BRD1: variants seen among roughly 807,000 people sequenced by gnomAD.
BRD1 encodes bromodomain containing 1, also known as bromodomain-containing protein 1.
A neutral mutation model predicts 107.7 loss-of-function variants in BRD1; 24 were observed. That is an observed-to-expected ratio of 0.22 (90% CI 0.16 to 0.31). BRD1 has a LOEUF of 0.31. BRD1 is among the 10% of genes least tolerant of loss of function. BRD1 has a pLI of 1.00. For synonymous variants in BRD1, 744 were observed against 686.1 expected (o/e 1.08, Z -1.32); for missense variants, 1,279 against 1,638.6 (o/e 0.78, Z 3.79).
At chr22:49,787,275 A>G in intron 8 of BRD1, 115 bp downstream of exon 8, 1 of 1,258,754 alleles carries the variant, frequency 7.9e-7, no homozygotes. Context: ...AATTAAGAGA[A>G]TGCTGCAAAA....
chr22:49,776,944 C>T, intron 10 of BRD1, 90 bp downstream of exon 10: 2 of 1,562,874 alleles, frequency 1.3e-6, no homozygotes, highest in Non-Finnish European at 1.7e-6. Context: ...CACCATGCTC[C>T]CTGAGCCGGA....
intron 6 of BRD1, among the ~76,000 whole-genome samples, chr22:49,796,984 T>C (rs553895205): frequency 6.6e-6 from 1 of 152,270 alleles, no homozygotes; most frequent in South Asian, 2.1e-4. Flanking sequence ...TTTAGACAAA[T>C]AAGCCAAACA....
intron 2 of BRD1, among the ~76,000 whole-genome samples, chr22:49,811,068 A>G (rs1293835167): frequency 2.0e-5 from 3 of 152,208 alleles, no homozygotes; most frequent in Non-Finnish European, 1.5e-5. Context: ...GCAGCCGTGA[A>G]AAGGAATGGC....
chr22:49,823,670 C>A lies in BRD1; in HGVS notation c.648G>T (p.Val216=), dbSNP rs1342817841. The A allele has an allele frequency of 6.2e-7, 1 of 1,613,254 alleles. No individual in the cohort carries two copies. The highest frequency in any genetic ancestry group is 1.7e-5 in the Admixed American group (1 of 59,982). The change falls in exon 2 of 13, where the codon GTG becomes GTT. Residue 216 remains valine (V), a synonymous_variant. Transcript: ENST00000404760. ...EQQSLIDEDA[V]CCICMDGECQ... ...ACTCCCCGTCCATGCAGATGCAGCA[C>A]ACGGCGTCCTCGTCGATCAGAGACT...
chr22:49,775,836 C>CCG (rs1555900557), intron 11 of BRD1, 91 bp from the exon 12 acceptor site: 12 of 1,270,248 alleles, frequency 9.4e-6, no homozygotes, highest in Middle Eastern at 3.1e-4. Flanking sequence ...CCTCCCCACC[C>CCG]CAGCTGTGTG....
chr22:49,820,829 A>G lies in BRD1; in HGVS notation c.1367+2122T>C, dbSNP rs1454011660. The stretch of plus-strand genomic sequence containing the variant: ...TCACAACCACCCCAGAGGTGGGTCC[A>G]GCACCATGGTGCCAACAGGCCAGGC... On this transcript the variant is annotated intron_variant, in intron 2 of 12. Transcript: ENST00000404760. 2.0e-5 allele frequency: 3 copies of G among 152,430 alleles called. No homozygotes were observed. The East Asian group carries it at 5.8e-4, about 29-fold the overall frequency. The allele number at this position is 152,430 out of a possible 1,614,324, so 9.4% of individuals were successfully genotyped here.
rs2059487071 is a variant in BRD1, at chr22:49,794,108, G to A, written c.2285C>T (p.Pro762Leu). 1 of 1,614,122 alleles carries A rather than the reference G, an allele frequency of 6.2e-7. No homozygotes were observed. Among genetic ancestry groups the A allele is most frequent in the Non-Finnish European group, 8.5e-7 (1 of 1,180,054 alleles). ...TTCCAAGCCTGGCCCCGTGGGCAGG[G>A]GCTGGCTGTGCTGCTGGCTCAGCTT... ...RNKLSQQHSQ[P>L]LPTGPGLEGF... The change falls in exon 7 of 13, where the codon CCC (proline) becomes CTC (leucine). Residue 762 changes from proline to leucine, a missense_variant. By Grantham distance (98) the Pro-to-Leu change is moderately conservative. This residue lies in a region of BRD1 where 406 missense variants were observed against 519.4 expected (regional missense o/e 0.78). Coordinates refer to ENST00000404760, the MANE Select transcript of BRD1 (RefSeq NM_001304808.3).
chr22:49,825,941 G>C (rs2060142935), intron 1 of BRD1: 1 of 152,590 alleles, frequency 6.6e-6, no homozygotes, highest in Admixed American at 6.5e-5. Flanking sequence ...AATGTGGTCG[G>C]CCAAACCTCA....
rs1389990499 is a variant in BRD1, at chr22:49,787,666, C to T, written c.2581G>A (p.Asp861Asn). Residue 861 changes from aspartate (D) to asparagine (N), a missense_variant, in exon 8 of 13, where the codon GAT becomes AAT. Asp to Asn is a conservative substitution (Grantham distance 23). Around this residue, in one of 7 missense-constraint regions of BRD1, gnomAD observed 406 missense variants for 519.4 expected, o/e 0.78. Transcript: ENST00000404760. Reference sequence around the variant, plus strand: ...GCGGAGGCCGCCGCCGCCGGCACATCGCCACTACTGGCGCGGGTGGGCTCT... The same window carrying T: ...GCGGAGGCCGCCGCCGCCGGCACATTGCCACTACTGGCGCGGGTGGGCTCT... ...PPEPTRASSGDVPAAAASAVA... is the reference protein window; with the variant it reads ...PPEPTRASSGNVPAAAASAVA... 1.3e-6 allele frequency: 2 copies of T among 1,550,656 alleles called. No homozygotes were observed. The highest frequency in any genetic ancestry group is 2.0e-5 in the Admixed American group (1 of 51,018).
chr22:49,823,940 C>A lies in BRD1; in HGVS notation c.378G>T (p.Glu126Asp). Residue 126 changes from glutamate (E) to aspartate (D), a missense_variant, in exon 2 of 13, where the codon GAG (glutamate) becomes GAT (aspartate). By Grantham distance (45) the Glu-to-Asp change is conservative (BLOSUM62 2). Coordinates refer to ENST00000404760, the MANE Select transcript of BRD1 (RefSeq NM_001304808.3). ...TCCTGGGGGCGGACGGAGGGCTGTA[C>A]TCCACGATGCGCACCTTGGGCTCCG... ...ALPEPKVRIV[E>D]YSPPSAPRRP... The A allele has an allele frequency of 6.2e-7, 1 of 1,614,196 alleles. No homozygotes were observed. Among genetic ancestry groups the A allele is most frequent in the Non-Finnish European group, 8.5e-7 (1 of 1,180,028 alleles).
intron 7 of BRD1, among the ~76,000 whole-genome samples, chr22:49,790,781 C>T (rs1431315617): frequency 2.6e-5 from 4 of 152,236 alleles, no homozygotes; most frequent in Non-Finnish European, 5.9e-5. Flanking sequence ...AAGCTGCGTA[C>T]TCCGCACCTT....
intron 8 of BRD1, among the ~76,000 whole-genome samples, chr22:49,785,070 C>T (rs1422264470): frequency 1.3e-5 from 2 of 152,242 alleles, no homozygotes; most frequent in Non-Finnish European, 2.9e-5. Flanking sequence ...TCTACACCAC[C>T]GTCACCACGG....
At position 49,815,729 on chromosome 22, in the gene BRD1, G is replaced by A. The variant is rs1166487979; in HGVS notation, c.1367+7222C>T. Among the ~76,000 whole-genome samples the A allele has an allele frequency of 3.9e-5, 6 of 152,150 alleles. No homozygotes were observed. The South Asian group carries it at 8.3e-4, about 21-fold the overall frequency. Reference sequence around the variant, plus strand: ...GCAGGAATGAGTCAGTGTCTGAAACGGCATTCAGGTCTGTTCCTCATACAG... The same window carrying A: ...GCAGGAATGAGTCAGTGTCTGAAACAGCATTCAGGTCTGTTCCTCATACAG... On this transcript the variant is annotated intron_variant, in intron 2 of 12. Coordinates refer to ENST00000404760, the MANE Select transcript of BRD1 (RefSeq NM_001304808.3).
chr22:49,824,532 G>T lies in BRD1; in HGVS notation c.-14-201C>A. ...CCCCAGGACCAGGGAGGGAGCAGCA[G>T]TAACAGGCAGAGAGGCAGCCTGAGG... On this transcript the variant is annotated intron_variant, in intron 1 of 12. Coordinates refer to ENST00000404760, the MANE Select transcript of BRD1 (RefSeq NM_001304808.3). This position sits in a 1 kb window ranked among gnomAD's most constrained non-coding sequence, Gnocchi z 5.9. 1 of 1,400,440 alleles carries T rather than the reference G, an allele frequency of 7.1e-7. No homozygotes were observed. Among genetic ancestry groups the T allele is most frequent in the Non-Finnish European group, 9.3e-7 (1 of 1,079,742 alleles). 86.8% of individuals were successfully genotyped at this position (1,400,440 alleles called of 1,614,324 possible). A position where few individuals can be genotyped will look rare whatever the true frequency, so the allele number is the denominator to read the frequency against.
In BRD1 at chr22:49,819,734, C is replaced by T. The variant is rs144467187; in HGVS notation, c.1367+3217G>A. Among the ~76,000 whole-genome samples, 1,391 of 151,540 alleles carry T rather than the reference C, an allele frequency of 9.2e-3. 25 individuals carry two copies. The highest frequency in any genetic ancestry group is 0.033 in the African/African-American group (1,346 of 41,338). On this transcript the variant is annotated intron_variant, in intron 2 of 12. Transcript: ENST00000404760. ...AAAGTGCTGGCATTACAGGTGTGAG[C>T]CACACACCCAGCCCTGCCTGTTTTT...
intron 2 of BRD1, among the ~76,000 whole-genome samples, chr22:49,807,551 G>A (rs1324907250): frequency 6.6e-6 from 1 of 152,150 alleles, no homozygotes; most frequent in African/African-American, 2.4e-5. Context: ...CAGGACAAGT[G>A]GATATGGCCA....
chr22:49,817,040 T>C (rs1000478848), intron 2 of BRD1, among the ~76,000 whole-genome samples: 11 of 152,210 alleles, frequency 7.2e-5, no homozygotes, highest in African/African-American at 2.4e-4. Flanking sequence ...GGGACTCATT[T>C]TGGGGGTTCC....
intron 7 of BRD1, among the ~76,000 whole-genome samples, chr22:49,789,965 G>A (rs1371963864): frequency 2.6e-5 from 4 of 152,212 alleles, no homozygotes; most frequent in African/African-American, 9.6e-5. Context: ...GGGCCCCTGT[G>A]GCCCTGTCTC....
rs950856149 is a variant in BRD1, at chr22:49,792,024, G to C, written c.2359+2010C>G. 2.0e-5 allele frequency among the ~76,000 whole-genome samples: 3 copies of C among 152,270 alleles called. No homozygotes were observed. The highest frequency in any genetic ancestry group is 7.2e-5 in the African/African-American group (3 of 41,546). On this transcript the variant is annotated intron_variant, in intron 7 of 12. Transcript: ENST00000404760. This position sits in a 1 kb window ranked among gnomAD's most constrained non-coding sequence, Gnocchi z 4.2. ...TCTCCAAAGGCTCCTGCTAAGCGTT[G>C]GGTGTTATGAGGAGCCACGCTCACC...
Sources: allele counts gnomAD v4.1 joint callset (sites outside exome capture counted in the v4.1 genomes callset), GRCh38; gene constraint gnomAD v4.1.1; regional missense constraint gnomAD v4.1.1; non-coding constraint Gnocchi (gnomAD v3.1); transcripts MANE v1.5; gene names NCBI Gene and HGNC (gene_info 2026-07-23, HGNC 2026-07-21).